The following CNIH3 variants were observed in gnomAD, a reference collection of about 807,000 sequenced individuals.
The protein encoded by CNIH3 is protein cornichon homolog 3.
Under a neutral mutation model 24.1 loss-of-function variants are expected in CNIH3, and 14 were observed. The ratio of observed to expected loss-of-function variants is 0.58; its 90% CI spans 0.38 to 0.91. The LOEUF (loss-of-function observed/expected upper bound fraction) is 0.91. Ranked by LOEUF, CNIH3 falls within the 40% of genes least tolerant of loss-of-function variation. The pLI is 0.00. For synonymous variants in CNIH3, 68 were observed against 73.8 expected (o/e 0.92, Z 0.40); for missense variants, 178 against 196.8 (o/e 0.90, Z 0.57).
At chr1:224,457,970 A>T (rs1191977772) in intron 1 of CNIH3, among the ~76,000 whole-genome samples, 1 of 152,166 alleles carries the variant, frequency 6.6e-6, no homozygotes, top group Non-Finnish European at 1.5e-5. Context: ...GAGGAAGCAG[A>T]CTTATTTTAC....
downstream of CNIH3, among the ~76,000 whole-genome samples, chr1:224,590,147 T>C (rs1215699210): frequency 1.3e-5 from 2 of 152,168 alleles, no homozygotes; most frequent in Non-Finnish European, 2.9e-5. Flanking sequence ...AGTGGTAGGA[T>C]TACAGACGCG....
Position 224,616,352 on chromosome 1 carries a change from G to GGCAGCA in CNIH3, c.-818_-813dup, listed in dbSNP as rs1553275354. ...AGGCGGCGGCGGCGGCGGCGGCAGC[G>GGCAGCA]GCAGCAGCAGGTGGAGCGAGCTACA... is the stretch of plus-strand genomic sequence containing the variant. On this transcript the variant is annotated 5_prime_UTR_variant, in exon 1 of 6. Coordinates refer to ENST00000272133, the MANE Select transcript of CNIH3 (RefSeq NM_152495.2). 6.2e-5 allele frequency: 35 copies of GGCAGCA among 562,254 alleles called. 1 individual carries two copies. Among genetic ancestry groups the GGCAGCA allele is most frequent in the African/African-American group, 3.7e-4 (18 of 48,484 alleles). 34.8% of individuals were successfully genotyped at this position (562,254 alleles called of 1,614,324 possible). A position where few individuals can be genotyped will look rare whatever the true frequency, so the allele number is the denominator to read the frequency against.
chr1:224,730,031 A>G (rs1268772790), intron 3 of CNIH3, among the ~76,000 whole-genome samples: 2 of 152,146 alleles, frequency 1.3e-5, no homozygotes, highest in African/African-American at 4.8e-5. Context: ...GTGAGTTACT[A>G]TAGGAGGATA....
At chr1:224,513,753 C>T (rs555529306), upstream of CNIH3, 10 of 152,370 alleles carry the variant, frequency 6.6e-5, no homozygotes, top group African/African-American at 2.4e-4. Flanking sequence ...TCTTAACAGT[C>T]ATGCATTATG....
intron 3 of CNIH3, among the ~76,000 whole-genome samples, chr1:224,707,777 G>T (rs1375186070): frequency 6.6e-6 from 1 of 152,196 alleles, no homozygotes; most frequent in South Asian, 2.1e-4. Flanking sequence ...GACCTGGCAG[G>T]CTGTACCCGC....
In CNIH3 at chr1:224,463,915, C is replaced by T. The variant is rs536627492; in HGVS notation, n.203+29053C>T. 8.8e-4 allele frequency among the ~76,000 whole-genome samples: 132 copies of T among 150,046 alleles called. 1 individual carries two copies. The highest frequency in any genetic ancestry group is 3.0e-3 in the African/African-American group (124 of 40,906). On this transcript the variant is annotated intron_variant and non_coding_transcript_variant, in intron 1 of 5. Transcript: ENST00000471578. ...AAGCCATTCTCCTGCCTCAGCCTCCCGAGTAGCTGGGACTACAGGCACATG... is the reference window on the plus strand; with the variant it reads ...AAGCCATTCTCCTGCCTCAGCCTCCTGAGTAGCTGGGACTACAGGCACATG...
chr1:224,593,159 C>CT (rs773677216), downstream of CNIH3, among the ~76,000 whole-genome samples: 2,104 of 139,546 alleles, frequency 0.015, 53 homozygotes, highest in East Asian at 0.044. Context: ...TTTTTTTTAA[C>CT]TTTTTTTTTT....
chr1:224,459,134 A>G (rs1012816790), intron 1 of CNIH3: 8 of 862,506 alleles, frequency 9.3e-6, no homozygotes, highest in Non-Finnish European at 1.1e-5. Flanking sequence ...CCTGGCTTTT[A>G]TCTTCTAGGA....
chr1:224,478,262 T>C (rs1676663494), intron 1 of CNIH3, among the ~76,000 whole-genome samples: 1 of 152,204 alleles, frequency 6.6e-6, no homozygotes, highest in South Asian at 2.1e-4. Flanking sequence ...CCCCCATCTC[T>C]TTTTCTACCT....
chr1:224,616,708 T>C lies in CNIH3; in HGVS notation c.-467T>C, dbSNP rs1368100321. ...TGGACACTATCCGTTTGCGCCCCGG[T>C]GGCGCGGGAGGGTCCGGAGCGGAGC... On this transcript the variant is annotated 5_prime_UTR_variant, in exon 1 of 6. Coordinates refer to ENST00000272133, the MANE Select transcript of CNIH3 (RefSeq NM_152495.2). The C allele has an allele frequency of 1.0e-6, 1 of 992,292 alleles. No individual in the cohort carries two copies. Among genetic ancestry groups the C allele is most frequent in the Non-Finnish European group, 1.2e-6 (1 of 834,864 alleles). The allele number at this position is 992,292 out of a possible 1,614,324, so 61.5% of individuals were successfully genotyped here.
At chr1:224,594,388 T>TC (rs1681890600) in intron 3 of CNIH3, among the ~76,000 whole-genome samples, 1 of 152,186 alleles carries the variant, frequency 6.6e-6, no homozygotes, top group East Asian at 1.9e-4. Context: ...ATTATACACA[T>TC]CCCCTTTCCA....
chr1:224,621,374 G>A (rs1413598007), intron 1 of CNIH3, among the ~76,000 whole-genome samples: 1 of 152,090 alleles, frequency 6.6e-6, no homozygotes, highest in Non-Finnish European at 1.5e-5. Flanking sequence ...GTACCCACCT[G>A]GAAACAAAAA....
Position 224,701,875 on chromosome 1 carries a change from G to A in CNIH3, c.198+17032G>A, listed in dbSNP as rs150227788. Among the ~76,000 whole-genome samples, 38 of 152,112 alleles carry A rather than the reference G, an allele frequency of 2.5e-4. No homozygotes were observed. The East Asian group carries it at 5.6e-3, about 22-fold the overall frequency. ...CTTGGAGCATGCTATTTCATTTTTC[G>A]TTATTAATTGTTTCAGTTATAAAAA... On this transcript the variant is annotated intron_variant, in intron 3 of 5. Transcript: ENST00000272133.
At chr1:224,695,935 T>A (rs1687155057) in intron 3 of CNIH3, among the ~76,000 whole-genome samples, 1 of 152,240 alleles carries the variant, frequency 6.6e-6, no homozygotes, top group African/African-American at 2.4e-5. Context: ...GTTTTCATAA[T>A]ATCCTTCTCC....
At chr1:224,511,946 C>T (rs953553370), upstream of CNIH3, among the ~76,000 whole-genome samples, 52 of 151,854 alleles carry the variant, frequency 3.4e-4, no homozygotes, top group African/African-American at 1.2e-3. Context: ...GAGGCTGAGG[C>T]GGGTGGATCA....
rs577589580 is a variant in CNIH3, at chr1:224,510,396, G to T, written n.204-5345G>T. Among the ~76,000 whole-genome samples, 10 of 152,142 alleles carry T rather than the reference G, an allele frequency of 6.6e-5. No homozygotes were observed. In the East Asian group the frequency reaches 1.9e-3, roughly 29 times the overall value. On this transcript the variant is annotated intron_variant and non_coding_transcript_variant, in intron 1 of 5. Transcript: ENST00000471578. ...CAGCAGTCGGGAGCCAGGGAGGCCA[G>T]TTGGGAGACTCAGAATTGAGGTGGG... is the stretch of plus-strand genomic sequence containing the variant.
intron 3 of CNIH3, among the ~76,000 whole-genome samples, chr1:224,607,772 A>T (rs1566388): frequency 0.67 from 102,524 of 151,998 alleles, 35,572 homozygotes; most frequent in East Asian, 0.94. Flanking sequence ...GAGGGAGGTA[A>T]GTAGCTATCT....
intron 3 of CNIH3, among the ~76,000 whole-genome samples, chr1:224,694,742 C>T (rs1013170415): frequency 2.0e-5 from 3 of 152,172 alleles, no homozygotes; most frequent in Admixed American, 6.5e-5. Context: ...TGGAATACTA[C>T]TTAGCCATGA....
chr1:224,468,290 G>A (rs1016449814), intron 1 of CNIH3, among the ~76,000 whole-genome samples: 16 of 149,298 alleles, frequency 1.1e-4, no homozygotes, highest in Non-Finnish European at 2.2e-4. Context: ...TGTTTTTAGT[G>A]TTGAGTTTTC....
Sources: gnomAD v4.1 joint callset for allele counts (sites outside exome capture counted in the v4.1 genomes callset) on GRCh38, gnomAD v4.1.1 for gene constraint, MANE v1.5 for transcripts, NCBI Gene and HGNC (gene_info 2026-07-23, HGNC 2026-07-21) for gene names.